The following PCDH15 variants were observed in gnomAD, a reference collection of about 807,000 sequenced individuals.
PCDH15 encodes protocadherin related 15, also known as protocadherin-15.
PCDH15 carries 129 observed loss-of-function variants against 178.5 expected under a neutral mutation model. The observed-to-expected ratio is 0.72, with a 90% CI of 0.63 to 0.84. PCDH15 has a LOEUF of 0.84. Ranked by LOEUF, PCDH15 falls within the 40% of genes least tolerant of loss-of-function variation. The pLI is 0.00. For synonymous variants in PCDH15, 800 were observed against 732.0 expected, an observed-to-expected ratio of 1.09 and a Z score of -1.50; for missense variants, 2,230 against 2,099.9, an observed-to-expected ratio of 1.06 and a Z score of -1.21.
chr10:54,332,058 C>T (rs77429313), intron 6 of PCDH15, among the ~76,000 whole-genome samples: 15,971 of 149,878 alleles, frequency 0.11, 948 homozygotes, highest in African/African-American at 0.14. Flanking sequence ...AAATTAATTA[C>T]GGAGAAATAG....
Position 54,357,537 on chromosome 10 carries a change from T to C in PCDH15, c.475-11053A>G, listed in dbSNP as rs542925551. Among the ~76,000 whole-genome samples the C allele has an allele frequency of 2.7e-3, 418 of 152,176 alleles. 1 individual carries two copies. The highest frequency in any genetic ancestry group is 0.011 in the South Asian group (51 of 4,824). ...GAGGATACAAACAAATGGAAGAACATTCCATGCTCATGGGTAGGAAGAATC... is the reference window on the plus strand; with the variant it reads ...GAGGATACAAACAAATGGAAGAACACTCCATGCTCATGGGTAGGAAGAATC... On this transcript the variant is annotated intron_variant, in intron 5 of 37. Coordinates refer to ENST00000644397, the MANE Select transcript of PCDH15 (RefSeq NM_001384140.1).
intron 9 of PCDH15, among the ~76,000 whole-genome samples, chr10:54,229,890 T>C (rs2053872854): frequency 6.6e-6 from 1 of 152,204 alleles, no homozygotes; most frequent in Non-Finnish European, 1.5e-5. Context: ...TTATGAACCC[T>C]CTCATCTCCT....
intron 2 of PCDH15, among the ~76,000 whole-genome samples, chr10:55,446,184 T>A (rs532299601): frequency 6.6e-6 from 1 of 151,070 alleles, no homozygotes; most frequent in African/African-American, 2.4e-5. Context: ...CACATTGACA[T>A]ACACACACTC....
chr10:55,326,503 T>C (rs1446189821), intron 2 of PCDH15, among the ~76,000 whole-genome samples: 1 of 151,988 alleles, frequency 6.6e-6, no homozygotes, highest in Non-Finnish European at 1.5e-5. Flanking sequence ...ATACTGCAGC[T>C]TGCCTGTATA....
At chr10:55,421,278 A>C (rs1010447366) in intron 2 of PCDH15, among the ~76,000 whole-genome samples, 8 of 151,496 alleles carry the variant, frequency 5.3e-5, no homozygotes, top group Non-Finnish European at 1.2e-4. Context: ...AATTAAAAAA[A>C]TTAAATCAAT....
chr10:55,093,644 T>C (rs1842372707), intron 2 of PCDH15, among the ~76,000 whole-genome samples: 1 of 152,292 alleles, frequency 6.6e-6, no homozygotes, highest in Non-Finnish European at 1.5e-5. Context: ...CATCTTGAAT[T>C]AATTTTTGTA....
intron 5 of PCDH15, among the ~76,000 whole-genome samples, chr10:54,366,670 A>C (rs973319610): frequency 2.0e-5 from 2 of 101,062 alleles, no homozygotes; most frequent in South Asian, 2.5e-4. Context: ...ATAATAGCTA[A>C]ATTTCTATTT....
At chr10:54,691,974 T>C (rs1231385623) in intron 1 of PCDH15, among the ~76,000 whole-genome samples, 1 of 152,152 alleles carries the variant, frequency 6.6e-6, no homozygotes. Flanking sequence ...GAAAAGGATA[T>C]ATATCCAAAT....
At chr10:55,477,837 T>C (rs1426817542) in intron 2 of PCDH15, among the ~76,000 whole-genome samples, 1 of 151,852 alleles carries the variant, frequency 6.6e-6, no homozygotes, top group African/African-American at 2.4e-5. Context: ...TTAAGTGCTC[T>C]TCCTGGCCTG....
intron 9 of PCDH15, among the ~76,000 whole-genome samples, chr10:54,234,640 G>A (rs548482691): frequency 6.6e-6 from 1 of 152,214 alleles, no homozygotes; most frequent in African/African-American, 2.4e-5. Flanking sequence ...TTAAAGTCAG[G>A]ATTTTTAACA....
chr10:54,574,780 C>T (rs2090267385), intron 2 of PCDH15, among the ~76,000 whole-genome samples: 1 of 149,320 alleles, frequency 6.7e-6, no homozygotes, highest in Non-Finnish European at 1.5e-5. Flanking sequence ...TACCATTTGA[C>T]TCAGCCATCC....
chr10:54,097,087 T>G (rs557639995), intron 15 of PCDH15, among the ~76,000 whole-genome samples: 98 of 152,326 alleles, frequency 6.4e-4, no homozygotes, highest in African/African-American at 2.3e-3. Flanking sequence ...GCCTAGAATG[T>G]GCTGACAGAG....
chr10:55,040,682 T>C (rs1412521297), intron 2 of PCDH15, among the ~76,000 whole-genome samples: 1 of 152,116 alleles, frequency 6.6e-6, no homozygotes, highest in Non-Finnish European at 1.5e-5. Context: ...ACACAATCTT[T>C]AAAAACAATG....
intron 3 of PCDH15, among the ~76,000 whole-genome samples, chr10:54,463,225 T>C (rs556938825): frequency 3.3e-5 from 5 of 152,284 alleles, no homozygotes; most frequent in African/African-American, 1.2e-4. Flanking sequence ...TGGTACCAAT[T>C]TCATTTTATA....
At chr10:53,945,285 CTTAT>C (rs2086443618) in intron 23 of PCDH15, among the ~76,000 whole-genome samples, 1 of 152,038 alleles carries the variant, frequency 6.6e-6, no homozygotes, top group Non-Finnish European at 1.5e-5. Context: ...TTTTTGTATT[CTTAT>C]TTATTTTTTA....
At chr10:55,572,155 T>G (rs1323266361) in intron 2 of PCDH15, among the ~76,000 whole-genome samples, 1 of 151,992 alleles carries the variant, frequency 6.6e-6, no homozygotes, top group African/African-American at 2.4e-5. Flanking sequence ...ACTGCTGATA[T>G]TTTTAGAGCC....
At chr10:54,861,588 A>G (rs1218764893) in intron 3 of PCDH15, among the ~76,000 whole-genome samples, 1 of 152,190 alleles carries the variant, frequency 6.6e-6, no homozygotes, top group African/African-American at 2.4e-5. Flanking sequence ...CACAACCAAC[A>G]TCATAGAGAA....
At chr10:53,898,235 G>A (rs1008953736) in intron 26 of PCDH15, among the ~76,000 whole-genome samples, 12 of 151,976 alleles carry the variant, frequency 7.9e-5, no homozygotes, top group Admixed American at 2.0e-4. Flanking sequence ...CCAAAGTGCT[G>A]GGATTACAGG....
intron 3 of PCDH15, among the ~76,000 whole-genome samples, chr10:54,815,808 A>G (rs1373468597): frequency 6.6e-6 from 1 of 152,102 alleles, no homozygotes; most frequent in East Asian, 1.9e-4. Flanking sequence ...TCATCTTGCA[A>G]ACAGATGATA....
Sources: allele counts gnomAD v4.1 joint callset (sites outside exome capture counted in the v4.1 genomes callset), GRCh38; gene constraint gnomAD v4.1.1; transcripts MANE v1.5; gene names NCBI Gene and HGNC (gene_info 2026-07-23, HGNC 2026-07-21).